Variants in DEAF1 observed in about 807,000 individuals in gnomAD.
DEAF1 encodes the protein deformed epidermal autoregulatory factor 1 homolog.
DEAF1 carries 53 observed loss-of-function variants against 58.9 expected under a neutral mutation model. The observed-to-expected ratio is 0.90, with a 90% confidence interval of 0.72 to 1.13. The LOEUF (loss-of-function observed/expected upper bound fraction) is 1.13, where lower values mean the gene tolerates loss of function less well. Among genes scored for constraint, DEAF1 ranks in the 50% most tolerant of loss-of-function variants. The pLI, the probability that DEAF1 is intolerant of heterozygous loss-of-function variation, is 0.00. For synonymous variants in DEAF1, 385 were observed against 340.4 expected, an observed-to-expected ratio of 1.13 and a Z score of -1.44; for missense variants, 685 against 791.4, an observed-to-expected ratio of 0.87 and a Z score of 1.61.
At chr11:648,371 A>AT (rs1308769141) in intron 11 of DEAF1, among the ~76,000 whole-genome samples, 86 of 151,788 alleles carry the variant, frequency 5.7e-4, no homozygotes, top group South Asian at 1.2e-3. Flanking sequence ...ATTTTTTTGT[A>AT]TTTTTAGTAG....
chr11:670,824 C>G (rs1380777798), intron 10 of DEAF1, among the ~76,000 whole-genome samples: 1 of 131,564 alleles, frequency 7.6e-6, no homozygotes, highest in East Asian at 2.3e-4. Context: ...GTTGCCCAGG[C>G]TGGAGTACAG....
chr11:691,984 C>T (rs1860856615), intron 1 of DEAF1, among the ~76,000 whole-genome samples: 1 of 152,146 alleles, frequency 6.6e-6, no homozygotes, highest in Non-Finnish European at 1.5e-5. Flanking sequence ...TCTCGGCCTC[C>T]CCGCAGGTGA....
At position 688,594 on chromosome 11, in the gene DEAF1, A is replaced by C; in HGVS notation, c.388-134T>G. 9.6e-7 allele frequency: 1 copy of C among 1,042,048 alleles called. No individual in the cohort carries two copies. Among genetic ancestry groups the C allele is most frequent in the Non-Finnish European group, 1.5e-6 (1 of 689,026 alleles). 64.6% of individuals were successfully genotyped at this position (1,042,048 alleles called of 1,614,324 possible). On this transcript the variant is annotated intron_variant, in intron 2 of 11. Transcript: ENST00000382409. This position sits in a 1 kb window ranked among gnomAD's most constrained non-coding sequence, Gnocchi z 4.3. Reference sequence around the variant, plus strand: ...GAAGGGACGCTCACCTAGGCACCCCATATCTTTTCCAAAGATACCTCTCAA... The same window carrying C: ...GAAGGGACGCTCACCTAGGCACCCCCTATCTTTTCCAAAGATACCTCTCAA...
intron 11 of DEAF1, among the ~76,000 whole-genome samples, chr11:645,160 C>CAAAAAAAAAAAAAAAAAA (rs80108345): frequency 9.9e-6 from 1 of 101,050 alleles, no homozygotes. Context: ...AACTCCATAT[C>CAAAAAAAAAAAAAAAAAA]AAAAAAAAAA....
intron 10 of DEAF1, among the ~76,000 whole-genome samples, chr11:669,635 C>CA (rs796538285): frequency 0.018 from 2,403 of 135,110 alleles, 58 homozygotes; most frequent in African/African-American, 0.059. Context: ...AAACTTGTCT[C>CA]AAAAAAAAAA....
chr11:706,258 G>T (rs971623933), intron 1 of DEAF1: 1 of 151,994 alleles, frequency 6.6e-6, no homozygotes, highest in African/African-American at 2.4e-5. Flanking sequence ...AGCGCCGAGG[G>T]GACAGGCCGA....
At chr11:668,060 G>A (rs1462993101) in intron 10 of DEAF1, among the ~76,000 whole-genome samples, 6 of 151,810 alleles carry the variant, frequency 4.0e-5, no homozygotes, top group South Asian at 2.1e-4. Context: ...TGCAGTGAGC[G>A]GAGATTGTGC....
upstream of DEAF1, chr11:699,704 T>C: frequency 4.5e-5 from 7 of 155,886 alleles, no homozygotes; most frequent in East Asian, 1.9e-4. Context: ...GCCAAGATTG[T>C]GCCACTGCAC....
intron 11 of DEAF1, chr11:651,339 C>A: frequency 3.2e-6 from 1 of 308,570 alleles, no homozygotes; most frequent in Non-Finnish European, 6.3e-6. Context: ...CTTTGGGAGG[C>A]TGACATGGGA....
intron 1 of DEAF1, chr11:700,810 T>C (rs1861421221): frequency 2.7e-6 from 3 of 1,102,222 alleles, no homozygotes; most frequent in African/African-American, 3.1e-5. Flanking sequence ...CTCAGAGACA[T>C]TTTTTATCCA....
At chr11:672,299 C>T (rs1859864242) in intron 10 of DEAF1, among the ~76,000 whole-genome samples, 1 of 151,996 alleles carries the variant, frequency 6.6e-6, no homozygotes, top group Non-Finnish European at 1.5e-5. Flanking sequence ...AAACCCCTAA[C>T]ATCGAATACG....
chr11:662,218 G>A (rs1451151347), intron 10 of DEAF1, among the ~76,000 whole-genome samples: 1 of 152,156 alleles, frequency 6.6e-6, no homozygotes, highest in Non-Finnish European at 1.5e-5. Flanking sequence ...GGCAGAGGTT[G>A]TGTGTGGTGA....
chr11:703,618 TC>T, intron 1 of DEAF1: 1 of 1,232,822 alleles, frequency 8.1e-7, no homozygotes, highest in South Asian at 4.1e-5. Context: ...CACCTGTGTT[TC>T]CAAGTCGGGC....
chr11:678,305 T>C (rs1860170594), intron 9 of DEAF1: 1 of 273,926 alleles, frequency 3.7e-6, no homozygotes, highest in Non-Finnish European at 7.1e-6. Context: ...AGGCCTTGGT[T>C]TTTCTTTCTT....
At chr11:664,178 A>T (rs1321112697) in intron 10 of DEAF1, among the ~76,000 whole-genome samples, 1 of 151,976 alleles carries the variant, frequency 6.6e-6, no homozygotes, top group African/African-American at 2.4e-5. Flanking sequence ...ACGCCATTGC[A>T]CTCCAGCCTG....
chr11:671,853 A>AC (rs1564937927), intron 10 of DEAF1, among the ~76,000 whole-genome samples: 1 of 142,718 alleles, frequency 7.0e-6, no homozygotes, highest in African/African-American at 2.5e-5. Flanking sequence ...AAAAAAAGAA[A>AC]CACAAAAAAC....
At chr11:653,828 C>A in intron 11 of DEAF1, 134 bp downstream of exon 11, 1 of 799,352 alleles carries the variant, frequency 1.3e-6, no homozygotes, top group East Asian at 2.5e-5. Flanking sequence ...GCAGGAGCCC[C>A]GGATTCCCAG....
At chr11:671,994 T>C (rs1463654526) in intron 10 of DEAF1, among the ~76,000 whole-genome samples, 1 of 152,158 alleles carries the variant, frequency 6.6e-6, no homozygotes, top group East Asian at 1.9e-4. Context: ...TCCCCAGCCA[T>C]GTGGAGCTGC....
At chr11:704,300 CCTGGGCCTCCA>C in intron 1 of DEAF1, 1 of 715,870 alleles carries the variant, frequency 1.4e-6, no homozygotes. Flanking sequence ...GCGGGACTGT[CCTGGGCCTCCA>C]CTGGGGCTCC....
Sources: allele counts gnomAD v4.1 joint callset (sites outside exome capture counted in the v4.1 genomes callset), GRCh38; gene constraint gnomAD v4.1.1; non-coding constraint Gnocchi (gnomAD v3.1); transcripts MANE v1.5; gene names NCBI Gene and HGNC (gene_info 2026-07-23, HGNC 2026-07-21).